The following PATJ variants were observed in gnomAD, a reference collection of about 807,000 sequenced individuals.
PATJ encodes inaD-like protein.
Under a neutral mutation model 224.9 loss-of-function variants are expected in PATJ, and 190 were observed. The observed-to-expected ratio is 0.84, with a 90% CI of 0.75 to 0.95. The LOEUF is 0.95. Ranked by LOEUF, PATJ falls within the 40% of genes least tolerant of loss-of-function variation. The pLI, the probability that PATJ is intolerant of heterozygous loss-of-function variation, is 0.00. For missense variants in PATJ, 2,121 were observed against 2,270.3 expected, an observed-to-expected ratio of 0.93 and a Z score of 1.34; for synonymous variants, 769 against 820.3, an observed-to-expected ratio of 0.94 and a Z score of 1.07.
intron 27 of PATJ, among the ~76,000 whole-genome samples, chr1:61,985,702 C>CT (rs1644718285): frequency 6.6e-6 from 1 of 152,036 alleles, no homozygotes. Context: ...GGTCTTCTCC[C>CT]TGCCTCAAAG....
At chr1:61,971,471 A>G (rs906253929) in intron 27 of PATJ, among the ~76,000 whole-genome samples, 1 of 151,840 alleles carries the variant, frequency 6.6e-6, no homozygotes. Context: ...AAAATTAGCC[A>G]GGCATGGTGG....
At chr1:61,781,741 A>G (rs1355164253) in intron 7 of PATJ, among the ~76,000 whole-genome samples, 1 of 152,208 alleles carries the variant, frequency 6.6e-6, no homozygotes, top group African/African-American at 2.4e-5. Context: ...AGATTTGATG[A>G]CTTGCTAGGA....
intron 24 of PATJ, among the ~76,000 whole-genome samples, chr1:61,902,574 C>T (rs143207360): frequency 2.3e-3 from 355 of 152,218 alleles, no homozygotes; most frequent in Admixed American, 4.6e-3. Context: ...TAAGGAACTA[C>T]ATAAAAGCTT....
chr1:61,842,329 T>C (rs1306665216), intron 17 of PATJ, among the ~76,000 whole-genome samples: 1 of 152,190 alleles, frequency 6.6e-6, no homozygotes, highest in Non-Finnish European at 1.5e-5. Flanking sequence ...TGTTGAACTT[T>C]GCAGGGATTT....
chr1:62,145,058 G>A (rs768758620), intron 41 of PATJ, among the ~76,000 whole-genome samples: 19 of 151,934 alleles, frequency 1.3e-4, no homozygotes, highest in Non-Finnish European at 1.6e-4. Flanking sequence ...CAAGTGATCC[G>A]CCCACCTCGG....
chr1:62,121,957 G>GA (rs78046107), intron 38 of PATJ, among the ~76,000 whole-genome samples: 2 of 148,368 alleles, frequency 1.3e-5, no homozygotes, highest in Non-Finnish European at 3.0e-5. Flanking sequence ...CCAGTTAAAA[G>GA]AAAAAAAAAA....
intron 42 of PATJ, among the ~76,000 whole-genome samples, chr1:62,152,834 A>T (rs1668764902): frequency 6.6e-6 from 1 of 151,558 alleles, no homozygotes; most frequent in African/African-American, 2.4e-5. Context: ...AGCTGTCAGC[A>T]GTAAGTTTAA....
At chr1:61,889,744 A>G (rs1032449277) in intron 22 of PATJ, among the ~76,000 whole-genome samples, 3 of 152,178 alleles carry the variant, frequency 2.0e-5, no homozygotes, top group Admixed American at 1.3e-4. Flanking sequence ...TCTTCATGCT[A>G]CTCTGAATGG....
At position 61,936,612 on chromosome 1, in the gene PATJ, C is replaced by A. The variant is rs1048521727; in HGVS notation, c.3670+8783C>A. On this transcript the variant is annotated intron_variant, in intron 27 of 43. Coordinates refer to ENST00000642238, the MANE Select transcript of PATJ (RefSeq NM_001350145.3). ...TGAGACAGGGTCTCTCGCTCTGTCA[C>A]CCAGGCTGGAGTGCAGTGGCGTGAT... Among the ~76,000 whole-genome samples the A allele has an allele frequency of 5.3e-5, 8 of 152,024 alleles. 1 individual carries two copies. The highest frequency in any genetic ancestry group is 5.3e-4 in the Admixed American group (8 of 15,238).
intron 27 of PATJ, among the ~76,000 whole-genome samples, chr1:61,938,873 G>A (rs1440519928): frequency 6.6e-6 from 1 of 151,780 alleles, no homozygotes; most frequent in Admixed American, 6.6e-5. Flanking sequence ...CTCATTTGGG[G>A]ATAAAATGTG....
chr1:62,094,468 C>T (rs1053085902), intron 33 of PATJ, among the ~76,000 whole-genome samples: 6 of 151,614 alleles, frequency 4.0e-5, no homozygotes, highest in Admixed American at 2.6e-4. Context: ...TGGTCTCAAA[C>T]TCCTGGGCTC....
chr1:61,827,636 G>T, intron 16 of PATJ, 53 bp downstream of exon 16: 1 of 1,554,016 alleles, frequency 6.4e-7, no homozygotes, highest in East Asian at 2.3e-5. Context: ...CATCAAAGAT[G>T]CCCCGAAGAC....
intron 43 of PATJ, 127 bp from the exon 44 acceptor site, chr1:62,160,781 A>T (rs1669768961): frequency 1.1e-6 from 1 of 911,508 alleles, no homozygotes; most frequent in Non-Finnish European, 1.6e-6. Flanking sequence ...CCTAGAAAAA[A>T]CTTAATTGGT....
chr1:61,813,383 A>ATATG, intron 14 of PATJ, among the ~76,000 whole-genome samples: 1 of 16,358 alleles, frequency 6.1e-5, no homozygotes, highest in East Asian at 7.4e-4. Flanking sequence ...ATATATACAC[A>ATATG]CACACACACA....
intron 1 of PATJ, among the ~76,000 whole-genome samples, chr1:61,750,379 A>G (rs991787359): frequency 4.6e-5 from 7 of 150,928 alleles, no homozygotes; most frequent in African/African-American, 1.2e-4. Flanking sequence ...TGCTTTGACA[A>G]TAGGGGCTGG....
rs1342701334 is a variant in PATJ, at chr1:62,148,282, A to G, written c.5272-2A>G. ...AATACCTTTTTTTCACTTTTTCCCC[A>G]GGTTGTAGCAGATACCAATATAAGC... On this transcript the variant is annotated splice_acceptor_variant, in intron 41 of 43. Transcript: ENST00000642238. LOFTEE classifies it high-confidence loss of function. 4 of 1,607,810 alleles carry G rather than the reference A, an allele frequency of 2.5e-6. No homozygotes were observed. The highest frequency in any genetic ancestry group is 2.6e-6 in the Non-Finnish European group (3 of 1,174,854).
intron 31 of PATJ, among the ~76,000 whole-genome samples, chr1:62,051,633 T>G (rs12117302): frequency 0.17 from 25,551 of 152,132 alleles, 2,681 homozygotes; most frequent in Non-Finnish European, 0.24. Flanking sequence ...GGCCTGCAAT[T>G]TATCCTTTAT....
At chr1:62,048,867 T>A (rs2148575440) in intron 30 of PATJ, among the ~76,000 whole-genome samples, 1 of 152,248 alleles carries the variant, frequency 6.6e-6, no homozygotes, top group East Asian at 1.9e-4. Context: ...GATTTTTCAT[T>A]TTGGTTTTGG....
At position 61,884,406 on chromosome 1, in the gene PATJ, A is replaced by T. The variant is rs757946170; in HGVS notation, c.3129A>T (p.Thr1043=). ...GMLSSRYATD[T]CELPEREEGE... is the part of the protein sequence containing the mutation. ...TGTCTTCTAGATATGCCACTGATACATGGTATGATATCATTTCTCTTTGTT... is the reference window on the plus strand; with the variant it reads ...TGTCTTCTAGATATGCCACTGATACTTGGTATGATATCATTTCTCTTTGTT... Residue 1043 remains threonine, a splice_region_variant and synonymous_variant, in exon 22 of 44, where the codon ACA becomes ACT. Transcript: ENST00000642238. The T allele has an allele frequency of 6.6e-7, 1 of 1,520,192 alleles. No individual in the cohort carries two copies. Among genetic ancestry groups the T allele is most frequent in the South Asian group, 1.3e-5 (1 of 76,126 alleles). The allele number at this position is 1,520,192 out of a possible 1,614,324, so 94.2% of individuals were successfully genotyped here.
Sources: allele counts gnomAD v4.1 joint callset (sites outside exome capture counted in the v4.1 genomes callset), GRCh38; gene constraint gnomAD v4.1.1; transcripts MANE v1.5; gene names NCBI Gene and HGNC (gene_info 2026-07-23, HGNC 2026-07-21).